PTPRC: variants seen among roughly 807,000 people sequenced by gnomAD.
PTPRC encodes receptor-type tyrosine-protein phosphatase C.
A neutral mutation model predicts 155.9 loss-of-function variants in PTPRC; 44 were observed. That is an observed-to-expected ratio of 0.28 (90% CI 0.22 to 0.36). The LOEUF is 0.36. Among genes scored for constraint, PTPRC ranks in the 10% least tolerant of loss-of-function variants. PTPRC has a pLI of 1.00. For missense variants in PTPRC, 1,401 were observed against 1,564.6 expected (o/e 0.90, Z 1.76); for synonymous variants, 525 against 533.1 (o/e 0.98, Z 0.21).
At chr1:198,749,572 C>T in intron 28 of PTPRC, 23 bp downstream of exon 28, 1 of 1,604,652 alleles carries the variant, frequency 6.2e-7, no homozygotes, top group Non-Finnish European at 8.5e-7. Context: ...ATTGCCAAAA[C>T]CCAAGATCCA....
intron 15 of PTPRC, among the ~76,000 whole-genome samples, chr1:198,728,086 T>G (rs1654223070): frequency 6.6e-6 from 1 of 152,176 alleles, no homozygotes; most frequent in South Asian, 2.1e-4. Flanking sequence ...CATTATTTAA[T>G]CAAAAGAAAG....
chr1:198,660,067 A>ATG (rs1553231726), intron 2 of PTPRC, among the ~76,000 whole-genome samples: 1 of 101,642 alleles, frequency 9.8e-6, no homozygotes, highest in African/African-American at 3.4e-5. Context: ...ATATATATAT[A>ATG]TGATCTTTTT....
chr1:198,707,469 C>T (rs1404267146), intron 9 of PTPRC, among the ~76,000 whole-genome samples: 10 of 152,172 alleles, frequency 6.6e-5, no homozygotes, highest in African/African-American at 2.2e-4. Flanking sequence ...TGACAGGCGT[C>T]GGGCAGACTC....
At chr1:198,699,744 C>A in intron 5 of PTPRC, 40 bp downstream of exon 5, 1 of 1,611,208 alleles carries the variant, frequency 6.2e-7, no homozygotes, top group Non-Finnish European at 8.5e-7. Context: ...ATGAAAAGTA[C>A]ATGACGACTA....
intron 23 of PTPRC, among the ~76,000 whole-genome samples, chr1:198,738,567 T>C (rs1654755943): frequency 2.0e-5 from 3 of 151,866 alleles, no homozygotes; most frequent in Admixed American, 6.6e-5. Flanking sequence ...TTGTTGAGGA[T>C]TTTTGCATCA....
Position 198,654,485 on chromosome 1 carries a change from T to C in PTPRC, c.73+15144T>C, listed in dbSNP as rs1404271019. ...TATATACACAGATTACAAGTACTAG[T>C]TTTTTTAGTGAAGAAAAGACAACTA... On this transcript the variant is annotated intron_variant, in intron 2 of 32. Transcript: ENST00000442510. Among the ~76,000 whole-genome samples, 9 of 151,770 alleles carry C rather than the reference T, an allele frequency of 5.9e-5. No individual in the cohort carries two copies. The South Asian group carries it at 1.9e-3, about 31-fold the overall frequency.
In PTPRC at chr1:198,756,201, A is replaced by ATTG; in HGVS notation, c.*20_*21insTTG. On this transcript the variant is annotated 3_prime_UTR_variant, in exon 33 of 33. Transcript: ENST00000442510. ...TCATAGGAAAAGACATAAATGAGGA[A>ATTG]ACTCCAAACCTCCTGTTAGCTGTTA... The ATTG allele has an allele frequency of 6.2e-7, 1 of 1,612,578 alleles. No homozygotes were observed. Among genetic ancestry groups the ATTG allele is most frequent in the East Asian group, 2.2e-5 (1 of 44,656 alleles).
At chr1:198,643,224 T>A (rs1293453794) in intron 2 of PTPRC, among the ~76,000 whole-genome samples, 1 of 151,782 alleles carries the variant, frequency 6.6e-6, no homozygotes, top group Admixed American at 6.6e-5. Flanking sequence ...TGATGACATG[T>A]GAATTAGTGG....
chr1:198,692,605 T>G (rs1418972027), intron 3 of PTPRC: 7 of 1,017,638 alleles, frequency 6.9e-6, no homozygotes, highest in Admixed American at 9.5e-5. Flanking sequence ...GTATAAATAG[T>G]AACTTTTCCC....
At chr1:198,676,831 G>C (rs1007236045) in intron 2 of PTPRC, among the ~76,000 whole-genome samples, 1 of 152,118 alleles carries the variant, frequency 6.6e-6, no homozygotes, top group African/African-American at 2.4e-5. Flanking sequence ...GCATAACTCA[G>C]ATTTCTTTTC....
In PTPRC at chr1:198,729,242, T is replaced by C. The variant is rs966822931; in HGVS notation, c.1864+71T>C. On this transcript the variant is annotated intron_variant, in intron 17 of 32. Transcript: ENST00000442510. ...TGAATCCATTCATTTTATTTATTTA[T>C]TTATTTATATTTATTTTAAGACAGA... The C allele has an allele frequency of 1.3e-5, 18 of 1,410,596 alleles. 1 individual carries two copies. Among genetic ancestry groups the C allele is most frequent in the Admixed American group, 4.7e-5 (2 of 42,298 alleles). 87.4% of individuals were successfully genotyped at this position (1,410,596 alleles called of 1,614,324 possible). A position where few individuals can be genotyped will look rare whatever the true frequency, so the allele number is the denominator to read the frequency against.
At chr1:198,713,916 A>G (rs72738054) in intron 12 of PTPRC, among the ~76,000 whole-genome samples, 1,692 of 152,308 alleles carry the variant, frequency 0.011, 19 homozygotes, top group Non-Finnish European at 0.013. Context: ...ATGTTATTTT[A>G]TATTTTAATG....
At chr1:198,743,003 C>G (rs1654974582) in intron 25 of PTPRC, among the ~76,000 whole-genome samples, 1 of 138,136 alleles carries the variant, frequency 7.2e-6, no homozygotes, top group Admixed American at 7.8e-5. Flanking sequence ...TGCATATACC[C>G]AAGAGAAGCA....
chr1:198,680,549 G>A (rs1360839637), intron 2 of PTPRC, among the ~76,000 whole-genome samples: 3 of 151,822 alleles, frequency 2.0e-5, no homozygotes, highest in South Asian at 4.2e-4. Context: ...AAAGTGAATC[G>A]TAAAGACTTT....
intron 30 of PTPRC, 44 bp downstream of exon 30, chr1:198,752,415 T>A: frequency 1.2e-6 from 2 of 1,604,810 alleles, no homozygotes; most frequent in African/African-American, 1.3e-5. Context: ...ATATAATGGA[T>A]CTGGTAGCAA....
chr1:198,742,262 C>T lies in PTPRC; in HGVS notation c.2592C>T (p.Ile864=), dbSNP rs780489279. The change falls in exon 25 of 33, where the codon ATC becomes ATT. Residue 864 remains isoleucine, a synonymous_variant. Transcript: ENST00000442510. ...GTGTTGGGCGCACAGGAACCTATAT[C>T]GGAATTGATGCCATGCTAGAAGGCC... ...SAGVGRTGTY[I]GIDAMLEGLE... is the part of the protein sequence containing the mutation. 142 of 1,611,974 alleles carry T rather than the reference C, an allele frequency of 8.8e-5. No homozygotes were observed. The highest frequency in any genetic ancestry group is 1.6e-4 in the Middle Eastern group (1 of 6,072).
chr1:198,734,381 G>A lies in PTPRC; in HGVS notation c.2233G>A (p.Ala745Thr). ...CTGGAGGATGATTTGGGAACAGAAA[G>A]CCACAGTTATTGTCATGGTCACTCG... ...DFWRMIWEQK[A>T]TVIVMVTRCE... is the part of the protein sequence containing the mutation. The change falls in exon 22 of 33, where the codon GCC becomes ACC. Residue 745 changes from alanine to threonine, a missense_variant. Around this residue, in one of 3 missense-constraint regions of PTPRC, gnomAD observed 867 missense variants for 970.4 expected, o/e 0.89. Transcript: ENST00000442510. 6.2e-7 allele frequency: 1 copy of A among 1,611,186 alleles called. No individual in the cohort carries two copies. The highest frequency in any genetic ancestry group is 8.5e-7 in the Non-Finnish European group (1 of 1,177,964).
intron 2 of PTPRC, among the ~76,000 whole-genome samples, chr1:198,668,650 A>AGT (rs1664461679): frequency 6.6e-6 from 1 of 152,230 alleles, no homozygotes; most frequent in South Asian, 2.1e-4. Flanking sequence ...GATAATTCTA[A>AGT]TTACATAGTT....
At chr1:198,754,610 G>A (rs753199312) in intron 32 of PTPRC, among the ~76,000 whole-genome samples, 5 of 151,106 alleles carry the variant, frequency 3.3e-5, no homozygotes, top group Admixed American at 2.0e-4. Flanking sequence ...CTAAATAAGA[G>A]CCTAAAGTTT....
Sources: gnomAD v4.1 joint callset for allele counts (sites outside exome capture counted in the v4.1 genomes callset) on GRCh38, gnomAD v4.1.1 for gene constraint, gnomAD v4.1.1 regional missense constraint, MANE v1.5 for transcripts, NCBI Gene and HGNC (gene_info 2026-07-23, HGNC 2026-07-21) for gene names.